Variants in RELN observed in about 807,000 individuals in gnomAD.
The protein encoded by RELN is reelin.
A neutral mutation model predicts 427.6 loss-of-function variants in RELN; 108 were observed. The observed-to-expected ratio is 0.25, with a 90% CI of 0.22 to 0.30. The LOEUF is 0.30. RELN is among the 10% of genes least tolerant of loss of function. RELN has a pLI of 1.00. For synonymous variants in RELN, 1,524 were observed against 1,513.4 expected (o/e 1.01, Z -0.16); for missense variants, 3,715 against 4,302.8 (o/e 0.86, Z 3.82).
chr7:103,904,896 AG>A (rs1427758162), intron 2 of RELN, among the ~76,000 whole-genome samples: 7 of 152,012 alleles, frequency 4.6e-5, no homozygotes, highest in Non-Finnish European at 4.4e-5. Flanking sequence ...AGATGAAATA[AG>A]AACCTAATAA....
At position 103,971,728 on chromosome 7, in the gene RELN, G is replaced by A. The variant is rs147780778; in HGVS notation, c.226+17403C>T. Among the ~76,000 whole-genome samples the A allele has an allele frequency of 3.6e-3, 541 of 152,244 alleles. 1 individual carries two copies. The highest frequency in any genetic ancestry group is 0.012 in the African/African-American group (496 of 41,542). On this transcript the variant is annotated intron_variant, in intron 1 of 64. Transcript: ENST00000428762. ...ACTGGAACTTTCAGTTCTAGGAATG[G>A]ATACTGTGAAAGTATTTGAGCATCA...
intron 2 of RELN, among the ~76,000 whole-genome samples, chr7:103,844,804 T>C (rs1457951576): frequency 1.3e-5 from 2 of 152,200 alleles, no homozygotes; most frequent in East Asian, 1.9e-4. Context: ...ATTAGGATAA[T>C]GTTCATTAAA....
At chr7:103,812,100 C>T (rs982400420) in intron 3 of RELN, among the ~76,000 whole-genome samples, 3 of 152,152 alleles carry the variant, frequency 2.0e-5, no homozygotes, top group Non-Finnish European at 2.9e-5. Context: ...CATTTGCTTT[C>T]AGGTGACTTT....
Position 103,519,346 on chromosome 7 carries a change from G to C in RELN, c.7839C>G (p.Phe2613Leu), listed in dbSNP as rs746938753. The change falls in exon 49 of 65, where the codon TTC (phenylalanine) becomes TTG (leucine). Residue 2613 changes from phenylalanine (F) to leucine (L), a missense_variant. Physicochemically the swap from Phe to Leu is conservative, Grantham distance 22 (BLOSUM62 0). Around this residue, in one of 4 missense-constraint regions of RELN, gnomAD observed 1,310 missense variants for 1,643.0 expected, o/e 0.80. Transcript: ENST00000428762. The stretch of plus-strand genomic sequence containing the variant: ...ACCCGGGCTTACTGTACTGGTCATA[G>C]AAAATCTCCATGAGCAGGTTCCAGG... ...GITWNLLMEI[F>L]YDQYSKPGFV... The C allele has an allele frequency of 4.3e-6, 7 of 1,613,726 alleles. No individual in the cohort carries two copies. Among genetic ancestry groups the C allele is most frequent in the Non-Finnish European group, 5.9e-6 (7 of 1,179,772 alleles).
chr7:103,688,858 A>G (rs913334597), intron 10 of RELN, among the ~76,000 whole-genome samples: 7 of 152,208 alleles, frequency 4.6e-5, no homozygotes, highest in African/African-American at 1.7e-4. Flanking sequence ...TGGGTTGCTG[A>G]TTTACCTAAC....
At chr7:103,600,676 G>T (rs1260357441) in intron 24 of RELN, among the ~76,000 whole-genome samples, 1 of 152,032 alleles carries the variant, frequency 6.6e-6, no homozygotes, top group Non-Finnish European at 1.5e-5. Context: ...ATTCAAAACA[G>T]TTCTGAATGA....
At chr7:103,765,092 C>A (rs1038141058) in intron 4 of RELN, among the ~76,000 whole-genome samples, 1 of 151,616 alleles carries the variant, frequency 6.6e-6, no homozygotes, top group African/African-American at 2.4e-5. Flanking sequence ...TTTCAAGAAG[C>A]TGGACTGTAA....
chr7:103,627,992 A>T (rs1489610311), intron 20 of RELN: 1 of 152,216 alleles, frequency 6.6e-6, no homozygotes, highest in Non-Finnish European at 1.5e-5. Context: ...CTAACTATTT[A>T]TGAAAATAAA....
intron 1 of RELN, among the ~76,000 whole-genome samples, chr7:103,918,203 T>C (rs1367893334): frequency 6.6e-6 from 1 of 152,154 alleles, no homozygotes; most frequent in Non-Finnish European, 1.5e-5. Flanking sequence ...CCTGACATCA[T>C]GCTACTCCCA....
At chr7:103,546,337 T>C (rs541773817) in intron 41 of RELN, among the ~76,000 whole-genome samples, 1 of 152,384 alleles carries the variant, frequency 6.6e-6, no homozygotes, top group Admixed American at 6.5e-5. Context: ...CAGAACTTCA[T>C]GGCTTTTGTG....
At chr7:103,509,576 A>T (rs1013671386) in intron 51 of RELN, among the ~76,000 whole-genome samples, 3 of 152,254 alleles carry the variant, frequency 2.0e-5, no homozygotes, top group African/African-American at 7.2e-5. Context: ...AGGCAATACC[A>T]TTCAGGACAT....
At chr7:103,492,168 G>A (rs1187732260) in intron 57 of RELN, 142 bp from the exon 58 acceptor site, 1 of 708,748 alleles carries the variant, frequency 1.4e-6, no homozygotes. Flanking sequence ...GGGATACCAA[G>A]AATACATTCT....
At chr7:103,812,880 TAGC>T (rs1219362949) in intron 3 of RELN, among the ~76,000 whole-genome samples, 1 of 152,174 alleles carries the variant, frequency 6.6e-6, no homozygotes, top group Non-Finnish European at 1.5e-5. Flanking sequence ...ACTCTAATTC[TAGC>T]TTATCTAATA....
intron 53 of RELN, among the ~76,000 whole-genome samples, chr7:103,499,518 A>G: frequency 6.6e-6 from 1 of 152,196 alleles, no homozygotes; most frequent in East Asian, 1.9e-4. Flanking sequence ...CTGTATACAG[A>G]AAAACCTATA....
At position 103,931,911 on chromosome 7, in the gene RELN, TAAG is replaced by T. The variant is rs200705884; in HGVS notation, c.227-14729_227-14727del. On this transcript the variant is annotated intron_variant, in intron 1 of 64. Transcript: ENST00000428762. ...GAAACAGGCCAGGAAGGGCAGTCAATAAGAAGGACACAATACACTGTTGGAGGG... is the reference window on the plus strand; with the variant it reads ...GAAACAGGCCAGGAAGGGCAGTCAATAAGGACACAATACACTGTTGGAGGG... 8.2e-3 allele frequency among the ~76,000 whole-genome samples: 1,250 copies of T among 152,170 alleles called. 15 individuals are homozygous for T. The highest frequency in any genetic ancestry group is 0.028 in the African/African-American group (1,175 of 41,512).
intron 10 of RELN, 106 bp from the exon 11 acceptor site, chr7:103,682,367 C>G: frequency 8.7e-7 from 1 of 1,146,138 alleles, no homozygotes; most frequent in Non-Finnish European, 1.3e-6. Context: ...TATATTAGCT[C>G]CTCTATGATG....
chr7:103,858,867 A>G (rs1355680824), intron 2 of RELN, among the ~76,000 whole-genome samples: 3 of 152,216 alleles, frequency 2.0e-5, no homozygotes, highest in African/African-American at 4.8e-5. Flanking sequence ...GGCCTTAGAA[A>G]TGAATAGCCC....
chr7:103,922,022 C>T (rs546662482), intron 1 of RELN, among the ~76,000 whole-genome samples: 134 of 152,244 alleles, frequency 8.8e-4, no homozygotes, highest in Middle Eastern at 6.8e-3. Flanking sequence ...AAGGGAGAAG[C>T]TCAACTTTTG....
intron 6 of RELN, among the ~76,000 whole-genome samples, chr7:103,735,861 C>T (rs1018381169): frequency 2.0e-5 from 3 of 152,210 alleles, no homozygotes; most frequent in African/African-American, 7.2e-5. Context: ...AGCAATCTGG[C>T]ATTCTATAAG....
Sources: gnomAD v4.1 joint callset for allele counts (sites outside exome capture counted in the v4.1 genomes callset) on GRCh38, gnomAD v4.1.1 for gene constraint, gnomAD v4.1.1 regional missense constraint, MANE v1.5 for transcripts, NCBI Gene and HGNC (gene_info 2026-07-23, HGNC 2026-07-21) for gene names.